Variants in MALT1 observed in about 807,000 individuals in gnomAD.
The protein encoded by MALT1 is mucosa-associated lymphoid tissue lymphoma translocation protein 1.
MALT1 carries 36 observed loss-of-function variants against 85.5 expected under a neutral mutation model. That is an observed-to-expected ratio of 0.42 (90% CI 0.32 to 0.56). The LOEUF is 0.56. Ranked by LOEUF, MALT1 falls within the 20% of genes least tolerant of loss-of-function variation. The pLI is 0.10. For synonymous variants in MALT1, 359 were observed against 361.3 expected (o/e 0.99, Z 0.07); for missense variants, 716 against 981.6 (o/e 0.73, Z 3.62).
chr18:58,738,204 T>A (rs527511089), intron 13 of MALT1, among the ~76,000 whole-genome samples: 1 of 152,228 alleles, frequency 6.6e-6, no homozygotes, highest in African/African-American at 2.4e-5. Flanking sequence ...CAAAAAAGTA[T>A]GCGTAGTTTT....
chr18:58,686,113 A>G (rs1450483044), intron 2 of MALT1, among the ~76,000 whole-genome samples: 1 of 151,964 alleles, frequency 6.6e-6, no homozygotes, highest in Non-Finnish European at 1.5e-5. Context: ...CTGCAACCTC[A>G]TCTCCCAGGT....
At chr18:58,702,815 G>T (rs1435587062) in intron 4 of MALT1, among the ~76,000 whole-genome samples, 1 of 152,136 alleles carries the variant, frequency 6.6e-6, no homozygotes, top group African/African-American at 2.4e-5. Context: ...TACTCACTCT[G>T]CTCCATCTTT....
intron 9 of MALT1, among the ~76,000 whole-genome samples, chr18:58,720,764 T>A (rs934691221): frequency 9.9e-5 from 15 of 152,196 alleles, no homozygotes; most frequent in African/African-American, 3.6e-4. Context: ...TTTCTACCAA[T>A]AAAAATCTAT....
intron 8 of MALT1, among the ~76,000 whole-genome samples, chr18:58,715,158 A>AG (rs2054881768): frequency 6.6e-6 from 1 of 152,182 alleles, no homozygotes; most frequent in African/African-American, 2.4e-5. Flanking sequence ...GGGGGAGAAT[A>AG]GGGGGTCTGG....
intron 9 of MALT1, among the ~76,000 whole-genome samples, chr18:58,719,464 C>T (rs1047148163): frequency 6.6e-6 from 1 of 152,190 alleles, no homozygotes; most frequent in Non-Finnish European, 1.5e-5. Context: ...CCTTCTCCCT[C>T]CCTGAGTGGT....
At chr18:58,715,027 C>T (rs750759282) in intron 8 of MALT1, among the ~76,000 whole-genome samples, 11 of 152,246 alleles carry the variant, frequency 7.2e-5, no homozygotes, top group Non-Finnish European at 1.6e-4. Flanking sequence ...AGAAAGTCCC[C>T]ATTACCTGTG....
chr18:58,741,768 G>A, intron 13 of MALT1, 97 bp from the exon 14 acceptor site: 5 of 662,372 alleles, frequency 7.5e-6, no homozygotes, highest in Non-Finnish European at 1.2e-5. Context: ...ATGATACTGA[G>A]AATATAACCT....
intron 10 of MALT1, among the ~76,000 whole-genome samples, chr18:58,728,229 C>G (rs572224932): frequency 6.6e-6 from 1 of 152,168 alleles, no homozygotes; most frequent in East Asian, 1.9e-4. Flanking sequence ...TAAAAAATAC[C>G]TATTTTCTTC....
chr18:58,735,307 G>A lies in MALT1; in HGVS notation c.1581G>A (p.Val527=), dbSNP rs2055208667. Residue 527 remains valine, a synonymous_variant, in exon 13 of 17, where the codon GTG becomes GTA. Coordinates refer to ENST00000649217, the MANE Select transcript of MALT1 (RefSeq NM_006785.4). ...DRLLEDKKIT[V]LLDEVAEDMG... is the part of the protein sequence containing the mutation. ...TATTAGAAGATAAGAAAATCACTGT[G>A]TTACTGGATGAAGTTGCAGAAGGTA... 1 of 1,601,658 alleles carries A rather than the reference G, an allele frequency of 6.2e-7. No homozygotes were observed. The highest frequency in any genetic ancestry group is 8.5e-7 in the Non-Finnish European group (1 of 1,176,994).
intron 2 of MALT1, among the ~76,000 whole-genome samples, chr18:58,681,601 TATG>T (rs1370833028): frequency 6.6e-6 from 1 of 152,332 alleles, no homozygotes; most frequent in African/African-American, 2.4e-5. Flanking sequence ...GTAATTATCA[TATG>T]ATAATGATAC....
intron 14 of MALT1, 67 bp downstream of exon 14, chr18:58,742,081 GAATA>G (rs1319144002): frequency 1.6e-6 from 2 of 1,277,096 alleles, no homozygotes; most frequent in African/African-American, 1.5e-5. Context: ...AGTTTCTTCT[GAATA>G]AATAACTTTC....
intron 2 of MALT1, among the ~76,000 whole-genome samples, chr18:58,693,144 G>A (rs563460655): frequency 2.6e-5 from 4 of 152,204 alleles, no homozygotes; most frequent in Non-Finnish European, 2.9e-5. Flanking sequence ...ATGGTGGCTC[G>A]TAATTGATCA....
chr18:58,700,691 T>C, intron 4 of MALT1, 100 bp downstream of exon 4: 3 of 1,097,204 alleles, frequency 2.7e-6, no homozygotes, highest in Non-Finnish European at 3.6e-6. Context: ...TCAAAAAACA[T>C]AGCAAAATTT....
chr18:58,689,676 A>G (rs1281957471), intron 2 of MALT1, among the ~76,000 whole-genome samples: 1 of 152,218 alleles, frequency 6.6e-6, no homozygotes, highest in Non-Finnish European at 1.5e-5. Context: ...TGTAATAGAT[A>G]ACTGGGGGGT....
chr18:58,688,865 A>G (rs2054451657), intron 2 of MALT1, among the ~76,000 whole-genome samples: 2 of 152,108 alleles, frequency 1.3e-5, no homozygotes, highest in Non-Finnish European at 2.9e-5. Flanking sequence ...GAGAATCACC[A>G]AGAGGCCGGT....
At chr18:58,727,400 T>G (rs1050643113) in intron 10 of MALT1, among the ~76,000 whole-genome samples, 4 of 152,002 alleles carry the variant, frequency 2.6e-5, no homozygotes, top group Non-Finnish European at 2.9e-5. Context: ...GCCTCCTGGG[T>G]TCAAGCAGTT....
At chr18:58,681,596 TATC>T (rs1416444474) in intron 2 of MALT1, among the ~76,000 whole-genome samples, 66 of 152,326 alleles carry the variant, frequency 4.3e-4, no homozygotes, top group Non-Finnish European at 5.9e-5. Flanking sequence ...ATTAAGTAAT[TATC>T]ATATGATAAT....
intron 2 of MALT1, among the ~76,000 whole-genome samples, chr18:58,689,223 C>G (rs905242643): frequency 6.7e-6 from 1 of 149,828 alleles, no homozygotes; most frequent in Admixed American, 6.6e-5. Context: ...GCAAGAAAAC[C>G]TAGGTTTGCA....
intron 10 of MALT1, among the ~76,000 whole-genome samples, chr18:58,727,996 G>C (rs905265209): frequency 1.3e-5 from 2 of 152,182 alleles, no homozygotes; most frequent in Non-Finnish European, 2.9e-5. Flanking sequence ...GTGTAAGCCT[G>C]CTGGGGTGGC....
Sources: gnomAD v4.1 joint callset for allele counts (sites outside exome capture counted in the v4.1 genomes callset) on GRCh38, gnomAD v4.1.1 for gene constraint, MANE v1.5 for transcripts, NCBI Gene and HGNC (gene_info 2026-07-23, HGNC 2026-07-21) for gene names.